CLCN4: variants seen among roughly 807,000 people sequenced by gnomAD.
CLCN4 encodes the protein H(+)/Cl(-) exchange transporter 4.
Under a neutral mutation model 41.7 loss-of-function variants are expected in CLCN4, and 1 was observed. That is an observed-to-expected ratio of 0.02 (90% CI 0.01 to 0.11). The LOEUF is 0.11. Ranked by LOEUF, CLCN4 falls within the 10% of genes least tolerant of loss-of-function variation. CLCN4 has a pLI of 1.00. For missense variants in CLCN4, 287 were observed against 661.0 expected (o/e 0.43, Z 6.20); for synonymous variants, 277 against 285.8 (o/e 0.97, Z 0.31).
intron 5 of CLCN4, 84 bp from the exon 6 acceptor site, chrX:10,197,855 C>T: frequency 1.8e-6 from 2 of 1,130,467 alleles, no homozygotes; most frequent in Admixed American, 4.6e-5. Context: ...CTTTTGTTGT[C>T]AAGACAGATG....
intron 2 of CLCN4, among the ~76,000 whole-genome samples, chrX:10,175,010 C>A (rs1448131654): frequency 1.8e-5 from 2 of 112,307 alleles, no homozygotes; most frequent in African/African-American, 6.5e-5. Flanking sequence ...CATCCGGATT[C>A]TTTTGCTCTG....
In CLCN4 at chrX:10,194,921, T is replaced by G. The variant is rs2147172306; in HGVS notation, c.255T>G (p.Ala85=). ...TGTTACTTCTTCCAGGCACCTTGGC[T>G]GGGGTCATCGATCTCGCCGTGGACT... ...LLIGLLAGTL[A]GVIDLAVDWM... is the part of the protein sequence containing the mutation. Residue 85 remains alanine (A), a synonymous_variant, in exon 5 of 13, where the codon GCT becomes GCG. Transcript: ENST00000380833. 1.7e-6 allele frequency: 2 copies of G among 1,211,413 alleles called. No individual in the cohort carries two copies. The highest frequency in any genetic ancestry group is 5.9e-5 in the East Asian group (2 of 33,857).
intron 11 of CLCN4, among the ~76,000 whole-genome samples, chrX:10,216,451 C>T (rs1482614901): frequency 1.8e-5 from 2 of 111,075 alleles, no homozygotes; most frequent in African/African-American, 6.6e-5. Context: ...TGAGGACTCG[C>T]CTGTACTTAG....
Position 10,235,931 on chromosome X carries a change from G to A in CLCN4, c.*2347G>A, listed in dbSNP as rs966193787. On this transcript the variant is annotated 3_prime_UTR_variant, in exon 13 of 13. Coordinates refer to ENST00000380833, the MANE Select transcript of CLCN4 (RefSeq NM_001830.4). ...GTCTTAATGTTAGTGTTGGTGTTGT[G>A]GTTTCTGCGGAACGTTTACAAGTGA... is the stretch of plus-strand genomic sequence containing the variant. 1 of 112,290 alleles carries A rather than the reference G, an allele frequency of 8.9e-6. No homozygotes were observed. The highest frequency in any genetic ancestry group is 2.8e-4 in the East Asian group (1 of 3,589). 9.3% of individuals were successfully genotyped at this position (112,290 alleles called of 1,213,427 possible). A position where few individuals can be genotyped will look rare whatever the true frequency, so the allele number is the denominator to read the frequency against.
intron 2 of CLCN4, among the ~76,000 whole-genome samples, chrX:10,166,374 G>A: frequency 8.9e-6 from 1 of 112,307 alleles, no homozygotes; most frequent in Middle Eastern, 4.6e-3. Flanking sequence ...GGTTACGGCA[G>A]CCCTAGCAAG....
At chrX:10,221,821 C>G (rs749168543) in intron 12 of CLCN4, among the ~76,000 whole-genome samples, 61 of 111,860 alleles carry the variant, frequency 5.5e-4, no homozygotes, top group African/African-American at 2.0e-3. Flanking sequence ...AGGAGGGGAG[C>G]CTGAACTCAA....
intron 4 of CLCN4, among the ~76,000 whole-genome samples, chrX:10,189,551 G>A (rs1923901292): frequency 9.0e-6 from 1 of 111,694 alleles, no homozygotes; most frequent in Non-Finnish European, 1.9e-5. Context: ...TACATGGGAG[G>A]GTGAGAATGG....
chrX:10,214,600 A>G, intron 11 of CLCN4, among the ~76,000 whole-genome samples: 1 of 112,970 alleles, frequency 8.9e-6, no homozygotes, highest in Non-Finnish European at 1.9e-5. Flanking sequence ...TCACTTTGTG[A>G]TATGATGTCA....
At chrX:10,215,026 G>A (rs957904447) in intron 11 of CLCN4, among the ~76,000 whole-genome samples, 3 of 112,036 alleles carry the variant, frequency 2.7e-5, no homozygotes, top group Non-Finnish European at 5.6e-5. Flanking sequence ...CCACGGGCAC[G>A]CTCACCATCC....
At position 10,169,796 on chromosome X, in the gene CLCN4, T is replaced by C. The variant is rs189494103; in HGVS notation, c.-12+11245T>C. On this transcript the variant is annotated intron_variant, in intron 2 of 12. Transcript: ENST00000380833. ...TTTTCTTTTTCTTTTCTTTTCTTTT[T>C]TTTTTTTTTTGAGATAGAGTCTCGC... Among the ~76,000 whole-genome samples the C allele has an allele frequency of 8.8e-4, 88 of 100,150 alleles. No homozygotes were observed. The East Asian group carries it at 0.021, about 24-fold the overall frequency. The allele number at this position is 100,150 out of a possible 115,157, so 87.0% of individuals were successfully genotyped here. A position where few individuals can be genotyped will look rare whatever the true frequency, so the allele number is the denominator to read the frequency against.
At position 10,195,073 on chromosome X, in the gene CLCN4, C is replaced by T; in HGVS notation, c.407C>T (p.Ser136Leu). 8.3e-7 allele frequency: 1 copy of T among 1,211,439 alleles called. No homozygotes were observed. Among genetic ancestry groups the T allele is most frequent in the Non-Finnish European group, 1.1e-6 (1 of 895,385 alleles). ...AAGTGTCCCCTGTGGCAGAAATGGTCGGAGCTGCTGGTGAATCAGTCAGAG... is the reference window on the plus strand; with the variant it reads ...AAGTGTCCCCTGTGGCAGAAATGGTTGGAGCTGCTGGTGAATCAGTCAGAG... ...RDKCPLWQKW[S>L]ELLVNQSEGA... Residue 136 changes from serine (S) to leucine (L), a missense_variant, in exon 5 of 13, where the codon TCG (serine) becomes TTG (leucine). Ser to Leu is a moderately radical substitution (Grantham distance 145). Transcript: ENST00000380833.
intron 12 of CLCN4, among the ~76,000 whole-genome samples, chrX:10,233,260 C>T (rs183068316): frequency 4.4e-4 from 49 of 112,015 alleles, no homozygotes; most frequent in African/African-American, 1.5e-3. Context: ...CCTCTGGCTG[C>T]CAGATGAGAA....
rs139681944 is a variant in CLCN4 at position 10,174,876 on chromosome X, T to C, written c.-11-10146T>C. On this transcript the variant is annotated intron_variant, in intron 2 of 12. Transcript: ENST00000380833. ...CCTCAGAATACTCTCCTGACTTCTA[T>C]TGTGTTTACGTCTCTACTTTTCATT... is the stretch of plus-strand genomic sequence containing the variant. Among the ~76,000 whole-genome samples, 390 of 112,344 alleles carry C rather than the reference T, an allele frequency of 3.5e-3. 1 individual carries two copies. Among genetic ancestry groups the C allele is most frequent in the African/African-American group, 0.012 (374 of 30,939 alleles).
chrX:10,187,043 C>T (rs1458060973), intron 3 of CLCN4, among the ~76,000 whole-genome samples: 2 of 111,860 alleles, frequency 1.8e-5, no homozygotes, highest in Admixed American at 9.4e-5. Flanking sequence ...CTGTGGGAGA[C>T]GTGATCTGTG....
In CLCN4 at chrX:10,195,567, T is replaced by C. The variant is rs773233790; in HGVS notation, c.432+469T>C. On this transcript the variant is annotated intron_variant, in intron 5 of 12. Transcript: ENST00000380833. ...TTTAATGCTTGTAGTATATTCAGTT[T>C]TGCAGCCGTTACCACAATCTAATTT... 4.5e-5 allele frequency among the ~76,000 whole-genome samples: 5 copies of C among 112,151 alleles called. No homozygotes were observed. In the East Asian group the frequency reaches 8.4e-4, roughly 19 times the overall value.
intron 9 of CLCN4, among the ~76,000 whole-genome samples, chrX:10,209,291 C>CCCTCCCTT (rs1555976517): frequency 1.1e-5 from 1 of 88,492 alleles, no homozygotes; most frequent in African/African-American, 4.4e-5. Context: ...CTCCCTCCCT[C>CCCTCCCTT]CCTTCCTTCC....
chrX:10,178,078 G>T (rs1350862499), intron 2 of CLCN4, among the ~76,000 whole-genome samples: 1 of 110,734 alleles, frequency 9.0e-6, no homozygotes, highest in Non-Finnish European at 1.9e-5. Flanking sequence ...CCACTTATAC[G>T]AAATGTCCAG....
chrX:10,180,953 C>T (rs1213477998), intron 2 of CLCN4, among the ~76,000 whole-genome samples: 1 of 110,271 alleles, frequency 9.1e-6, no homozygotes, highest in African/African-American at 3.3e-5. Flanking sequence ...TGTGAGTGAA[C>T]AAGCCTTCGG....
chrX:10,190,273 C>T (rs867728025), intron 4 of CLCN4, among the ~76,000 whole-genome samples: 1 of 111,426 alleles, frequency 9.0e-6, no homozygotes, highest in African/African-American at 3.3e-5. Context: ...TCGGTTGGTG[C>T]GAAGGTAATT....
Sources: gnomAD v4.1 joint callset for allele counts (sites outside exome capture counted in the v4.1 genomes callset) on GRCh38, gnomAD v4.1.1 for gene constraint, MANE v1.5 for transcripts, NCBI Gene and HGNC (gene_info 2026-07-23, HGNC 2026-07-21) for gene names.